Variants in ARHGAP39 observed in about 807,000 individuals in gnomAD.
The protein encoded by ARHGAP39 is Rho GTPase activating protein 39, also known as rho GTPase-activating protein 39.
In ARHGAP39, 44 loss-of-function variants were observed where a neutral mutation model predicts 106.9. The ratio of observed to expected loss-of-function variants is 0.41; its 90% confidence interval spans 0.32 to 0.53. ARHGAP39 has a LOEUF of 0.53. Ranked by LOEUF, ARHGAP39 falls within the 20% of genes least tolerant of loss-of-function variation. The pLI, the probability that ARHGAP39 is intolerant of heterozygous loss-of-function variation, is 0.21. For missense variants in ARHGAP39, 1,496 were observed against 1,577.3 expected (o/e 0.95, Z 0.87); for synonymous variants, 768 against 693.2 (o/e 1.11, Z -1.69).
rs376202978 is a variant in ARHGAP39 at position 144,600,924 on chromosome 8, CTGTG to C, written c.80+4607_80+4610del. Among the ~76,000 whole-genome samples the C allele has an allele frequency of 5.3e-4, 72 of 134,874 alleles. 1 individual carries two copies. The highest frequency in any genetic ancestry group is 2.4e-3 in the Admixed American group (31 of 12,982). 88.5% of individuals were successfully genotyped at this position (134,874 alleles called of 152,430 possible). On this transcript the variant is annotated intron_variant, in intron 2 of 11. Coordinates refer to ENST00000377307, the MANE Select transcript of ARHGAP39 (RefSeq NM_025251.3). ...GCGTGGTGTGTGCAAGCTCATGTACCTGTGTGTGTGTGGAGGCATGTGTGTGCTC... is the reference window on the plus strand; with the variant it reads ...GCGTGGTGTGTGCAAGCTCATGTACCTGTGTGTGGAGGCATGTGTGTGCTC...
At chr8:144,580,545 G>C (rs771176278) in intron 3 of ARHGAP39, among the ~76,000 whole-genome samples, 3 of 152,230 alleles carry the variant, frequency 2.0e-5, no homozygotes, top group South Asian at 2.1e-4. Context: ...GGCCACTCGC[G>C]GGGACACTGA....
At chr8:144,692,184 C>G in the ARHGAP39 span, among the ~76,000 whole-genome samples, 1 of 152,132 alleles carries the variant, frequency 6.6e-6, no homozygotes, top group Non-Finnish European at 1.5e-5. Flanking sequence ...CTCTCTCTGT[C>G]TCTTTCCCCC....
chr8:144,695,056 A>G, the ARHGAP39 span, among the ~76,000 whole-genome samples: 1 of 149,790 alleles, frequency 6.7e-6, no homozygotes, highest in Non-Finnish European at 1.5e-5. Flanking sequence ...CCATCTATCA[A>G]TCTATCATCC....
chr8:144,569,755 T>A (rs1818521032), intron 3 of ARHGAP39, among the ~76,000 whole-genome samples: 1 of 152,224 alleles, frequency 6.6e-6, no homozygotes, highest in African/African-American at 2.4e-5. Flanking sequence ...TCAAAATGTA[T>A]GCTTTAAATG....
intron 1 of ARHGAP39, among the ~76,000 whole-genome samples, chr8:144,609,194 C>T (rs545278588): frequency 2.6e-5 from 4 of 152,036 alleles, no homozygotes; most frequent in Non-Finnish European, 5.9e-5. Flanking sequence ...TTCATGAATG[C>T]CTTTTGTATT....
intron 1 of ARHGAP39, among the ~76,000 whole-genome samples, chr8:144,653,814 C>T (rs1312588176): frequency 6.6e-6 from 1 of 151,944 alleles, no homozygotes; most frequent in Non-Finnish European, 1.5e-5. Context: ...TAATAACTAT[C>T]GGGTCATGAC....
At chr8:144,533,863 G>A (rs11774065) in intron 8 of ARHGAP39, among the ~76,000 whole-genome samples, 27,039 of 152,204 alleles carry the variant, frequency 0.18, 3,030 homozygotes, top group East Asian at 0.29. Context: ...ACGGGGTCCT[G>A]TCCCTGTGGT....
the ARHGAP39 span, chr8:144,698,564 G>C: frequency 3.8e-6 from 1 of 263,590 alleles, no homozygotes; most frequent in Non-Finnish European, 7.5e-6. Flanking sequence ...GAGCCATCTA[G>C]AGCTTTCTTA....
chr8:144,601,063 C>T (rs1369116071), intron 2 of ARHGAP39, among the ~76,000 whole-genome samples: 165 of 123,570 alleles, frequency 1.3e-3, no homozygotes, highest in African/African-American at 4.6e-3. Context: ...GGCGTGCGTG[C>T]GAGCTCGTGT....
rs754185063 is a variant in ARHGAP39 at position 144,591,651 on chromosome 8, G to A, written c.81-10374C>T. ...GAGAGGCGAGGGGTGGGGGAGCAGAGGCGAGGAAGGGCAAGGTTTTCGGCC... is the reference window on the plus strand; with the variant it reads ...GAGAGGCGAGGGGTGGGGGAGCAGAAGCGAGGAAGGGCAAGGTTTTCGGCC... On this transcript the variant is annotated intron_variant, in intron 2 of 11. Coordinates refer to ENST00000377307, the MANE Select transcript of ARHGAP39 (RefSeq NM_025251.3). This position sits in a 1 kb window ranked among gnomAD's most constrained non-coding sequence, Gnocchi z 5.3. 5.9e-5 allele frequency among the ~76,000 whole-genome samples: 9 copies of A among 152,344 alleles called. No individual in the cohort carries two copies. The highest frequency in any genetic ancestry group is 2.1e-4 in the South Asian group (1 of 4,832).
chr8:144,601,171 GGCGT>G, intron 2 of ARHGAP39, among the ~76,000 whole-genome samples: 1 of 140,376 alleles, frequency 7.1e-6, no homozygotes, highest in South Asian at 2.4e-4. Context: ...TGTGCATGGA[GGCGT>G]GCGTGCAAGC....
At chr8:144,697,889 T>C in the ARHGAP39 span, among the ~76,000 whole-genome samples, 10 of 152,212 alleles carry the variant, frequency 6.6e-5, no homozygotes, top group Admixed American at 1.3e-4. Context: ...TGGCATATTA[T>C]TTTTTTGATA....
intron 1 of ARHGAP39, among the ~76,000 whole-genome samples, chr8:144,630,895 A>G (rs1821043266): frequency 6.6e-6 from 1 of 152,274 alleles, no homozygotes; most frequent in South Asian, 2.1e-4. Flanking sequence ...GCATTGCTAT[A>G]AAGCAATACC....
Position 144,548,253 on chromosome 8 carries a change from C to T in ARHGAP39, c.833G>A (p.Arg278Lys). ...PERRPSPFLK[R>K]AELPGSSSPL... ...GGAGCTGCTCCCTGGGAGCTCGGCC[C>T]TCTTCAGGAAGGGTGACGGCCTCCT... Residue 278 changes from arginine (R) to lysine (K), a missense_variant, in exon 5 of 12, where the codon AGG becomes AAG. Transcript: ENST00000377307. The surrounding 1 kb of genome is among the most constrained non-coding windows in gnomAD (Gnocchi z 7.4). The T allele has an allele frequency of 1.2e-6, 2 of 1,608,794 alleles. No homozygotes were observed. Among genetic ancestry groups the T allele is most frequent in the Non-Finnish European group, 1.7e-6 (2 of 1,177,798 alleles).
chr8:144,619,593 CCT>C (rs925306762), intron 1 of ARHGAP39, among the ~76,000 whole-genome samples: 1 of 147,242 alleles, frequency 6.8e-6, no homozygotes, highest in African/African-American at 2.5e-5. Context: ...ACTGTGTGTC[CCT>C]GAGAGAGCGT....
chr8:144,661,885 T>A (rs1246597598), intron 1 of ARHGAP39, among the ~76,000 whole-genome samples: 1 of 151,374 alleles, frequency 6.6e-6, no homozygotes, highest in Non-Finnish European at 1.5e-5. Context: ...CTATTCACCT[T>A]GGACAACCCC....
intron 2 of ARHGAP39, among the ~76,000 whole-genome samples, chr8:144,602,660 A>ATGTGTG (rs1407256430): frequency 2.0e-4 from 19 of 93,298 alleles, no homozygotes; most frequent in Non-Finnish European, 3.4e-4. Context: ...ACCTGTGTGC[A>ATGTGTG]TGGAGGCGTG....
chr8:144,576,332 CAAAAAAAAAAAAAAA>C (rs67038997), intron 3 of ARHGAP39, among the ~76,000 whole-genome samples: 1 of 63,812 alleles, frequency 1.6e-5, no homozygotes, highest in East Asian at 5.3e-4. Context: ...GACTCCGTCT[CAAAAAAAAAAAAAAA>C]AAAAAAAAAA....
chr8:144,589,995 G>A (rs987151277), intron 2 of ARHGAP39, among the ~76,000 whole-genome samples: 1 of 152,254 alleles, frequency 6.6e-6, no homozygotes, highest in Non-Finnish European at 1.5e-5. Flanking sequence ...TGACCCTGGT[G>A]CCAACTGCTA....
Sources: gnomAD v4.1 joint callset for allele counts (sites outside exome capture counted in the v4.1 genomes callset) on GRCh38, gnomAD v4.1.1 for gene constraint, Gnocchi (gnomAD v3.1) non-coding constraint, MANE v1.5 for transcripts, NCBI Gene and HGNC (gene_info 2026-07-23, HGNC 2026-07-21) for gene names.